The following CLCN6 variants were observed in gnomAD, a reference collection of about 807,000 sequenced individuals.
CLCN6 encodes the protein Cl-/H+ antiporter 6.
In CLCN6, 70 loss-of-function variants were observed where a neutral mutation model predicts 109.8. That is an observed-to-expected ratio of 0.64 (90% CI 0.53 to 0.78). The LOEUF is 0.78. CLCN6 is among the 30% of genes least tolerant of loss of function. CLCN6 has a pLI of 0.00. For synonymous variants in CLCN6, 444 were observed against 447.8 expected, an observed-to-expected ratio of 0.99 and a Z score of 0.11; for missense variants, 984 against 1,142.3, an observed-to-expected ratio of 0.86 and a Z score of 2.00.
chr1:11,813,412 A>C (rs996709197), intron 2 of CLCN6, among the ~76,000 whole-genome samples: 1 of 146,282 alleles, frequency 6.8e-6, no homozygotes, highest in Non-Finnish European at 1.5e-5. Flanking sequence ...TTTTTTTGAG[A>C]CCGAGTCTCA....
intron 8 of CLCN6, among the ~76,000 whole-genome samples, chr1:11,825,618 A>G (rs768804015): frequency 6.6e-6 from 1 of 152,118 alleles, no homozygotes; most frequent in Non-Finnish European, 1.5e-5. Flanking sequence ...CTTTTTTCCC[A>G]AGTTTTTTTA....
chr1:11,837,729 C>A (rs1240337830), intron 20 of CLCN6, among the ~76,000 whole-genome samples: 1 of 152,142 alleles, frequency 6.6e-6, no homozygotes, highest in Admixed American at 6.5e-5. Flanking sequence ...ACCAGGGCAG[C>A]GCTCCCTGGC....
rs554299394 is a variant in CLCN6 at position 11,834,408 on chromosome 1, C to T, written c.1686+13C>T. 7.8e-5 allele frequency: 126 copies of T among 1,613,078 alleles called. No homozygotes were observed. The South Asian group carries it at 1.4e-3, about 18-fold the overall frequency. ...GGTCACACTGATGGTGAGCACACTC[C>T]CTCCAGGCCCCTGTCAGGCTCAGGG... On this transcript the variant is annotated intron_variant, in intron 16 of 22. Transcript: ENST00000346436. This position sits in a 1 kb window ranked among gnomAD's most constrained non-coding sequence, Gnocchi z 4.5.
At chr1:11,806,607 C>T (rs1044413153) in intron 1 of CLCN6, 1 of 457,758 alleles carries the variant, frequency 2.2e-6, no homozygotes, top group African/African-American at 2.1e-5. Context: ...CTTTTATTTC[C>T]ATCTGAAAAG....
rs756047201 is a variant in CLCN6, at chr1:11,836,024, C to T, written c.1851C>T (p.Arg617=). ...PNLTYVYPHT[R]IQSLVSILRT... ...TGACCTACGTCTACCCGCACACCCG[C>T]ATCCAGTCTCTGGTGAGCATCCTGC... Residue 617 remains arginine, a synonymous_variant, in exon 18 of 23, where the codon CGC becomes CGT. Transcript: ENST00000346436. 4 of 1,613,936 alleles carry T rather than the reference C, an allele frequency of 2.5e-6. No individual in the cohort carries two copies. Among genetic ancestry groups the T allele is most frequent in the African/African-American group, 2.7e-5 (2 of 74,878 alleles).
intron 9 of CLCN6, 66 bp from the exon 10 acceptor site, chr1:11,827,023 G>A (rs1644819754): frequency 1.3e-6 from 2 of 1,586,868 alleles, no homozygotes; most frequent in African/African-American, 1.4e-5. Flanking sequence ...TGATAAGGAA[G>A]TCAGAAACCA....
At chr1:11,820,294 AATG>A (rs1385908816) in intron 5 of CLCN6, 2 of 694,004 alleles carry the variant, frequency 2.9e-6, no homozygotes, top group Non-Finnish European at 2.7e-6. Flanking sequence ...TCTTAAAAAA[AATG>A]ATGCTGGGAC....
intron 2 of CLCN6, among the ~76,000 whole-genome samples, chr1:11,808,249 G>GTGTC (rs1286552620): frequency 3.3e-5 from 5 of 150,978 alleles, no homozygotes; most frequent in African/African-American, 1.2e-4. Flanking sequence ...GTGTGTGTGT[G>GTGTC]TGTGTGTGTG....
At chr1:11,807,795 TACTA>T (rs1475270764) in intron 2 of CLCN6, among the ~76,000 whole-genome samples, 1 of 152,212 alleles carries the variant, frequency 6.6e-6, no homozygotes, top group Non-Finnish European at 1.5e-5. Context: ...GTTAACACCT[TACTA>T]AGTATCTTTC....
Position 11,831,075 on chromosome 1 carries a change from C to T in CLCN6, c.1248+1753C>T, listed in dbSNP as rs556945600. Among the ~76,000 whole-genome samples, 6 of 152,134 alleles carry T rather than the reference C, an allele frequency of 3.9e-5. No homozygotes were observed. The Middle Eastern group carries it at 0.01, about 259-fold the overall frequency. ...CTCGAACTCCTGACCTCAAGTGATCCACCCATCTCGGCCTCCCAAATTGCT... is the reference window on the plus strand; with the variant it reads ...CTCGAACTCCTGACCTCAAGTGATCTACCCATCTCGGCCTCCCAAATTGCT... On this transcript the variant is annotated intron_variant, in intron 13 of 22. Transcript: ENST00000346436.
intron 5 of CLCN6, among the ~76,000 whole-genome samples, chr1:11,820,944 C>T (rs750033116): frequency 6.4e-4 from 97 of 151,574 alleles, no homozygotes; most frequent in African/African-American, 2.2e-3. Flanking sequence ...GGCATGGTGG[C>T]GGGTGCCTGT....
rs531468301 is a variant in CLCN6 at position 11,806,803 on chromosome 1, A to G, written c.88-328A>G. On this transcript the variant is annotated intron_variant, in intron 1 of 22. Transcript: ENST00000346436. ...TTGAGTTGTGTTCCCAGAGTTGACAAGTCCTTTCTGATTTCAGATACGTCA... is the reference window on the plus strand; with the variant it reads ...TTGAGTTGTGTTCCCAGAGTTGACAGGTCCTTTCTGATTTCAGATACGTCA... 3.4e-5 allele frequency: 13 copies of G among 382,960 alleles called. No individual in the cohort carries two copies. The East Asian group carries it at 5.2e-4, about 15-fold the overall frequency. The allele number at this position is 382,960 out of a possible 1,614,324, so 23.7% of individuals were successfully genotyped here.
chr1:11,839,139 A>G (rs892824964), intron 22 of CLCN6: 2 of 581,024 alleles, frequency 3.4e-6, no homozygotes, highest in South Asian at 2.2e-5. Context: ...ATATGATTTC[A>G]TTGTAGGAAA....
Position 11,833,921 on chromosome 1 carries a change from T to C in CLCN6, c.1417T>C (p.Phe473Leu). 2 of 1,613,934 alleles carry C rather than the reference T, an allele frequency of 1.2e-6. No homozygotes were observed. Among genetic ancestry groups the C allele is most frequent in the Non-Finnish European group, 1.7e-6 (2 of 1,179,972 alleles). The change falls in exon 15 of 23, where the codon TTC (phenylalanine) becomes CTC (leucine). Residue 473 changes from phenylalanine (F) to leucine (L), a missense_variant. Phe to Leu is a conservative substitution (Grantham distance 22). Transcript: ENST00000346436. Reference protein sequence around the residue: ...VTLALFFVLYFLLACWTYGIS... With the variant: ...VTLALFFVLYLLLACWTYGIS... The stretch of plus-strand genomic sequence containing the variant: ...TCTGGCCTTGTTCTTCGTTCTCTAT[T>C]TCTTGCTTGCATGTTGGACTTACGG...
rs750127653 is a variant in CLCN6 at position 11,819,534 on chromosome 1, A to G, written c.326A>G (p.Lys109Arg). 50 of 1,614,102 alleles carry G rather than the reference A, an allele frequency of 3.1e-5. No homozygotes were observed. The South Asian group carries it at 4.7e-4, about 15-fold the overall frequency. ...TTTGTGCGACTCTTCACCCAACTCA[A>G]GTTCGGAGTGGTACAGACATGTATC... is the stretch of plus-strand genomic sequence containing the variant. ...DFFVRLFTQL[K>R]FGVVQTSVEE... is the part of the protein sequence containing the mutation. Residue 109 changes from lysine (K) to arginine (R), a missense_variant, in exon 5 of 23, where the codon AAG (lysine) becomes AGG (arginine). Physicochemically the swap from Lys to Arg is conservative, Grantham distance 26. Coordinates refer to ENST00000346436, the MANE Select transcript of CLCN6 (RefSeq NM_001286.5).
chr1:11,829,028 G>A (rs1644848374), intron 12 of CLCN6, among the ~76,000 whole-genome samples, 168 bp from the exon 13 acceptor site: 1 of 152,184 alleles, frequency 6.6e-6, no homozygotes, highest in African/African-American at 2.4e-5. Flanking sequence ...ACAAATTGCT[G>A]GAATACAGCA....
At chr1:11,826,617 G>A (rs1269234411) in intron 9 of CLCN6, among the ~76,000 whole-genome samples, 1 of 152,160 alleles carries the variant, frequency 6.6e-6, no homozygotes, top group African/African-American at 2.4e-5. Flanking sequence ...TGACCTGCCG[G>A]CCTCGTAAGG....
chr1:11,809,207 G>A (rs1306229627), intron 2 of CLCN6, among the ~76,000 whole-genome samples: 1 of 152,066 alleles, frequency 6.6e-6, no homozygotes, highest in African/African-American at 2.4e-5. Context: ...TAGTTGAGAA[G>A]TTTGCAGGAA....
intron 10 of CLCN6, 29 bp from the exon 11 acceptor site, chr1:11,828,077 C>G: frequency 2.6e-6 from 4 of 1,550,524 alleles, no homozygotes; most frequent in Non-Finnish European, 3.6e-6. Flanking sequence ...ACTCCTGAAC[C>G]TTCTTGTCTT....
Sources: gnomAD v4.1 joint callset for allele counts (sites outside exome capture counted in the v4.1 genomes callset) on GRCh38, gnomAD v4.1.1 for gene constraint, Gnocchi (gnomAD v3.1) non-coding constraint, MANE v1.5 for transcripts, NCBI Gene and HGNC (gene_info 2026-07-23, HGNC 2026-07-21) for gene names.